Variants in IGSF9 observed in about 807,000 individuals in gnomAD.
The protein encoded by IGSF9 is protein turtle homolog A.
Under a neutral mutation model 121.7 loss-of-function variants are expected in IGSF9, and 87 were observed. The ratio of observed to expected loss-of-function variants is 0.71; its 90% CI spans 0.60 to 0.85. The LOEUF is 0.85. Ranked by LOEUF, IGSF9 falls within the 40% of genes least tolerant of loss-of-function variation. The pLI, the probability that IGSF9 is intolerant of heterozygous loss-of-function variation, is 0.00. For missense variants in IGSF9, 1,462 were observed against 1,565.3 expected (o/e 0.93, Z 1.11); for synonymous variants, 640 against 648.4 (o/e 0.99, Z 0.20).
chr1:159,943,369 C>T (rs1160358846), intron 2 of IGSF9, 28 bp downstream of exon 2: 2 of 1,542,784 alleles, frequency 1.3e-6, no homozygotes, highest in Non-Finnish European at 1.7e-6. Flanking sequence ...GCTAACAGGG[C>T]ATTCTTGAGC....
Position 159,929,257 on chromosome 1 carries a change from A to G in IGSF9, c.2369+94T>C, listed in dbSNP as rs577538533. 11 of 1,485,738 alleles carry G rather than the reference A, an allele frequency of 7.4e-6. No individual in the cohort carries two copies. In the East Asian group the frequency reaches 2.3e-4, roughly 31 times the overall value. 92.0% of individuals were successfully genotyped at this position (1,485,738 alleles called of 1,614,324 possible). On this transcript the variant is annotated intron_variant, in intron 18 of 20. Transcript: ENST00000368094. ...CACTTTTGTTCCTCCCCAACACCCA[A>G]CATCCCCCTGGTAAAGATGCAAAAA...
chr1:159,930,463 C>G, intron 14 of IGSF9, 24 bp from the exon 15 acceptor site: 17 of 1,522,192 alleles, frequency 1.1e-5, no homozygotes, highest in Non-Finnish European at 1.5e-5. Context: ...AAAGGCAGGT[C>G]AGAGCAAGGA....
Position 159,928,705 on chromosome 1 carries a change from G to T in IGSF9, c.2683C>A (p.Pro895Thr), listed in dbSNP as rs1384317554. 1.4e-6 allele frequency: 2 copies of T among 1,477,674 alleles called. No homozygotes were observed. The highest frequency in any genetic ancestry group is 2.8e-5 in the South Asian group (2 of 70,950). The allele number at this position is 1,477,674 out of a possible 1,614,324, so 91.5% of individuals were successfully genotyped here. A position where few individuals can be genotyped will look rare whatever the true frequency, so the allele number is the denominator to read the frequency against. The part of the protein sequence containing the change: ...DCSSSSPSGA[P>T]QPLCIEDISP... ...ATGTCTTCAATGCAGAGGGGCTGGG[G>T]TGCCCCACTGGGGCTGCTGCTGCTA... Residue 895 changes from proline (P) to threonine (T), a missense_variant, in exon 19 of 21, where the codon CCC becomes ACC. By Grantham distance (38) the Pro-to-Thr change is conservative. Around this residue, in one of 3 missense-constraint regions of IGSF9, gnomAD observed 808 missense variants for 815.2 expected, o/e 0.99. Transcript: ENST00000368094.
chr1:159,930,094 G>T, intron 15 of IGSF9, 95 bp downstream of exon 15: 1 of 1,546,754 alleles, frequency 6.5e-7, no homozygotes. Context: ...GAGGTGAAGA[G>T]CTCAAATCAA....
rs143244880 is a variant in IGSF9 at position 159,927,796 on chromosome 1, T to C, written c.3322A>G (p.Ser1108Gly). ...LLETLHLGLA[S>G]SRLRPEAEPE... Reference sequence around the variant, plus strand: ...TCAGCTTCAGGTCTGAGCCGGGAGCTGGCCAAGCCCAGGTGCAAAGTCTCC... The same window carrying C: ...TCAGCTTCAGGTCTGAGCCGGGAGCCGGCCAAGCCCAGGTGCAAAGTCTCC... The change falls in exon 20 of 21, where the codon AGC (serine) becomes GGC (glycine). Residue 1108 changes from serine (S) to glycine (G), a missense_variant. By Grantham distance (56) the Ser-to-Gly change is moderately conservative (BLOSUM62 0). Coordinates refer to ENST00000368094, the MANE Select transcript of IGSF9 (RefSeq NM_001135050.2). 103 of 1,613,766 alleles carry C rather than the reference T, an allele frequency of 6.4e-5. No individual in the cohort carries two copies. The highest frequency in any genetic ancestry group is 8.6e-5 in the Non-Finnish European group (102 of 1,179,992).
At position 159,927,206 on chromosome 1, in the gene IGSF9, C is replaced by T; in HGVS notation, c.*139G>A. On this transcript the variant is annotated 3_prime_UTR_variant, in exon 21 of 21. Coordinates refer to ENST00000368094, the MANE Select transcript of IGSF9 (RefSeq NM_001135050.2). The stretch of plus-strand genomic sequence containing the variant: ...CACATACATTCCATACCAAGGTGAC[C>T]CAAACCCACTATCAGGGTCTGTGCC... 1 of 1,012,334 alleles carries T rather than the reference C, an allele frequency of 9.9e-7. No individual in the cohort carries two copies. The highest frequency in any genetic ancestry group is 1.9e-5 in the Admixed American group (1 of 52,106). 62.7% of individuals were successfully genotyped at this position (1,012,334 alleles called of 1,614,324 possible). A position where few individuals can be genotyped will look rare whatever the true frequency, so the allele number is the denominator to read the frequency against.
In IGSF9 at chr1:159,931,364, G is replaced by T. The variant is rs1650991195; in HGVS notation, c.1513+89C>A. The stretch of plus-strand genomic sequence containing the variant: ...ACCTTCACCCATCATCATCCCAGGG[G>T]TCCCACACCCATGATCCTCTTTCTG... On this transcript the variant is annotated intron_variant, in intron 12 of 20. Transcript: ENST00000368094. The surrounding 1 kb of genome is among the most constrained non-coding windows in gnomAD (Gnocchi z 4.8). The T allele has an allele frequency of 6.3e-7, 1 of 1,597,590 alleles. No homozygotes were observed. Among genetic ancestry groups the T allele is most frequent in the Non-Finnish European group, 8.6e-7 (1 of 1,169,518 alleles).
chr1:159,933,188 ACCT>A (rs984235778), intron 9 of IGSF9: 1 of 152,772 alleles, frequency 6.5e-6, no homozygotes, highest in Non-Finnish European at 1.5e-5. Context: ...CATAACTCTC[ACCT>A]GGGCCATTTC....
rs1317404850 is a variant in IGSF9, at chr1:159,934,297, GT to G, written c.996del (p.Leu334CysfsTer3). The G allele has an allele frequency of 5.6e-6, 9 of 1,609,872 alleles. No individual in the cohort carries two copies. The highest frequency in any genetic ancestry group is 2.7e-5 in the African/African-American group (2 of 74,884). On this transcript the variant is annotated frameshift_variant, in exon 9 of 21. Transcript: ENST00000368094. LOFTEE classifies it high-confidence loss of function. ...ACCCCCGGCATGCCTATGGGCAGGGGTGTCTCAGGAGGCATAGCTGTCACCT... is the reference window on the plus strand; with the variant it reads ...ACCCCCGGCATGCCTATGGGCAGGGGGTCTCAGGAGGCATAGCTGTCACCT... Reference protein sequence around the residue: ...PAQVTAMPPETPLPIGMPGVI... With the variant: ...PAQVTAMPPEXPLPIGMPGVI...
chr1:159,944,329 AGAG>A (rs143999414), intron 1 of IGSF9, among the ~76,000 whole-genome samples: 15,455 of 152,166 alleles, frequency 0.1, 816 homozygotes, highest in Middle Eastern at 0.18. Context: ...GGCACTTGGG[AGAG>A]GAGGAGCTGC....
intron 3 of IGSF9, among the ~76,000 whole-genome samples, chr1:159,940,174 C>G (rs1033759503): frequency 3.3e-5 from 5 of 152,214 alleles, no homozygotes; most frequent in Non-Finnish European, 7.3e-5. Context: ...AGGCTTCTTT[C>G]TCCAGACGCG....
Position 159,936,739 on chromosome 1 carries a change from ACCCCCAGGACTCACTTGCACCTGGCC to A in IGSF9, c.544_555+14del. 6.2e-7 allele frequency: 1 copy of A among 1,613,348 alleles called. No homozygotes were observed. The highest frequency in any genetic ancestry group is 8.5e-7 in the Non-Finnish European group (1 of 1,179,726). On this transcript the variant is annotated splice_donor_variant and splice_donor_5th_base_variant and coding_sequence_variant and intron_variant, in exon 5 of 21. Transcript: ENST00000368094. LOFTEE classifies it high-confidence loss of function. ...ACACTCTATATGGCTCACTCTGTCCACCCCCAGGACTCACTTGCACCTGGCCCTGGCCCTGGCCAAGGTCCTTTCCT... is the reference window on the plus strand; with the variant it reads ...ACACTCTATATGGCTCACTCTGTCCACTGGCCCTGGCCAAGGTCCTTTCCT...
In IGSF9 at chr1:159,934,477, G is replaced by A; in HGVS notation, c.909C>T (p.Pro303=). 1 of 1,608,090 alleles carries A rather than the reference G, an allele frequency of 6.2e-7. No homozygotes were observed. Among genetic ancestry groups the A allele is most frequent in the Non-Finnish European group, 8.5e-7 (1 of 1,177,364 alleles). The change falls in exon 8 of 21, where the codon CCC becomes CCT. Residue 303 remains proline (P), a synonymous_variant. Coordinates refer to ENST00000368094, the MANE Select transcript of IGSF9 (RefSeq NM_001135050.2). ...PDDAGCYTCV[P]SNGLLHPPSA... is the part of the protein sequence containing the mutation. ...AGGGTGGATGCAGGAGGCCATTGCT[G>A]GGCACACAGGTGTAGCAGCCGGCAT...
Position 159,928,293 on chromosome 1 carries a change from G to T in IGSF9, c.3095C>A (p.Ser1032Ter), listed in dbSNP as rs1391706093. 1.9e-6 allele frequency: 3 copies of T among 1,612,288 alleles called. No individual in the cohort carries two copies. Among genetic ancestry groups the T allele is most frequent in the Non-Finnish European group, 2.5e-6 (3 of 1,179,554 alleles). The change falls in exon 19 of 21, where the codon TCG (serine) becomes TAG (stop). Residue 1032 changes from serine to a stop codon, truncating the protein, a stop_gained. Transcript: ENST00000368094. LOFTEE classifies it high-confidence loss of function. ...TSQSSGRGSA[S>*]FLRPPSTAPS... ...GGCTGTGGAGGGGGGCCGCAGGAAC[G>T]AAGCGCTGCCTCGCCCACTGCTCTG...
rs746733872 is a variant in IGSF9, at chr1:159,932,701, A to G, written c.1105-49T>C. 1.9e-6 allele frequency: 3 copies of G among 1,564,650 alleles called. No homozygotes were observed. The South Asian group carries it at 3.6e-5, about 19-fold the overall frequency. The stretch of plus-strand genomic sequence containing the variant: ...CTAGAGAGAGGAGCTCAGCAGAGAC[A>G]AGCCCGGGATGGCAGTACAAGAGAG... On this transcript the variant is annotated intron_variant, in intron 9 of 20. Coordinates refer to ENST00000368094, the MANE Select transcript of IGSF9 (RefSeq NM_001135050.2). This position sits in a 1 kb window ranked among gnomAD's most constrained non-coding sequence, Gnocchi z 4.1.
chr1:159,942,703 G>A (rs1651425765), intron 3 of IGSF9, among the ~76,000 whole-genome samples: 1 of 152,070 alleles, frequency 6.6e-6, no homozygotes, highest in Admixed American at 6.5e-5. Context: ...CTTTGGAACA[G>A]ACCACGTGGA....
At chr1:159,929,496 A>G (rs995336336) in intron 17 of IGSF9, 103 bp from the exon 18 acceptor site, 37 of 1,513,510 alleles carry the variant, frequency 2.4e-5, no homozygotes, top group Non-Finnish European at 3.1e-5. Flanking sequence ...TCCGGCTGGG[A>G]AAAGCGTAGG....
chr1:159,934,563 G>A lies in IGSF9; in HGVS notation c.823C>T (p.Gln275Ter). The A allele has an allele frequency of 6.2e-7, 1 of 1,613,750 alleles. No individual in the cohort carries two copies. The highest frequency in any genetic ancestry group is 8.5e-7 in the Non-Finnish European group (1 of 1,179,768). ...TCCACCAGGATCCGCACCCGGGGCT[G>A]CAGGCGGCTGCAATGTGGCATGTGT... is the stretch of plus-strand genomic sequence containing the variant. ...NINVFHISRLQPRVRILVDGS... is the reference protein window; with the variant it reads ...NINVFHISRL Residue 275 changes from glutamine (Q) to a stop codon, truncating the protein, a stop_gained, in exon 8 of 21, where the codon CAG (glutamine) becomes TAG (stop). Transcript: ENST00000368094. LOFTEE classifies it high-confidence loss of function.
In IGSF9 at chr1:159,931,636, C is replaced by T. The variant is rs766291749; in HGVS notation, c.1363-33G>A. On this transcript the variant is annotated intron_variant, in intron 11 of 20. Transcript: ENST00000368094. The surrounding 1 kb of genome is among the most constrained non-coding windows in gnomAD (Gnocchi z 4.8). ...ACCACTGGTGAGCCCTGAGGACACA[C>T]GCAGCCACCCCTCACCAAAGGCGCC... 18 of 1,602,554 alleles carry T rather than the reference C, an allele frequency of 1.1e-5. No individual in the cohort carries two copies. In the East Asian group the frequency reaches 1.8e-4, roughly 16 times the overall value.
Sources: gnomAD v4.1 joint callset for allele counts (sites outside exome capture counted in the v4.1 genomes callset) on GRCh38, gnomAD v4.1.1 for gene constraint, gnomAD v4.1.1 regional missense constraint, Gnocchi (gnomAD v3.1) non-coding constraint, MANE v1.5 for transcripts, NCBI Gene and HGNC (gene_info 2026-07-23, HGNC 2026-07-21) for gene names.